The following HSPH1 variants were observed in gnomAD, a reference collection of about 807,000 sequenced individuals.
The protein encoded by HSPH1 is heat shock protein family H (Hsp110) member 1.
HSPH1 carries 40 observed loss-of-function variants against 100.0 expected under a neutral mutation model. The ratio of observed to expected loss-of-function variants is 0.40; its 90% CI spans 0.31 to 0.52. The LOEUF (loss-of-function observed/expected upper bound fraction) is 0.52, where lower values mean the gene tolerates loss of function less well. HSPH1 is among the 20% of genes least tolerant of loss of function. The pLI is 0.54. For synonymous variants in HSPH1, 403 were observed against 344.0 expected (o/e 1.17, Z -1.90); for missense variants, 876 against 1,015.1 (o/e 0.86, Z 1.86).
chr13:31,159,727 T>G (rs1956828258), intron 1 of HSPH1, among the ~76,000 whole-genome samples: 1 of 152,168 alleles, frequency 6.6e-6, no homozygotes, highest in Admixed American at 6.5e-5. Flanking sequence ...GTAAACGAGA[T>G]GAGCAAAACG....
At chr13:31,143,662 A>G in intron 12 of HSPH1, 130 bp downstream of exon 12, 1 of 832,488 alleles carries the variant, frequency 1.2e-6, no homozygotes. Flanking sequence ...TACATAGAAA[A>G]TCAACAGAAA....
intron 11 of HSPH1, among the ~76,000 whole-genome samples, chr13:31,144,676 T>C (rs187090731): frequency 1.7e-4 from 26 of 152,196 alleles, no homozygotes; most frequent in Non-Finnish European, 1.8e-4. Flanking sequence ...CACACTGAAC[T>C]CTCTCATATT....
chr13:31,161,947 A>C (rs1263951953), upstream of HSPH1: 2 of 1,535,826 alleles, frequency 1.3e-6, no homozygotes, highest in Admixed American at 3.9e-5. Context: ...TATCGCACTG[A>C]TCAGAACTTT....
At chr13:31,147,196 A>G (rs942209395) in intron 10 of HSPH1, among the ~76,000 whole-genome samples, 11 of 152,186 alleles carry the variant, frequency 7.2e-5, no homozygotes, top group African/African-American at 2.7e-4. Flanking sequence ...CAATTTATCA[A>G]AATCTTACAA....
chr13:31,159,354 G>T (rs537664096), intron 1 of HSPH1, among the ~76,000 whole-genome samples: 2 of 152,166 alleles, frequency 1.3e-5, no homozygotes, highest in African/African-American at 2.4e-5. Context: ...TTACACCTCT[G>T]AAGTTTAAAG....
In HSPH1 at chr13:31,136,082, T is replaced by C. The variant is rs918126822; in HGVS notation, c.*1236A>G. 1 of 152,106 alleles carries C rather than the reference T, an allele frequency of 6.6e-6. No individual in the cohort carries two copies. Among genetic ancestry groups the C allele is most frequent in the Non-Finnish European group, 1.5e-5 (1 of 68,024 alleles). 9.4% of individuals were successfully genotyped at this position (152,106 alleles called of 1,614,324 possible). On this transcript the variant is annotated 3_prime_UTR_variant, in exon 18 of 18. Coordinates refer to ENST00000320027, the MANE Select transcript of HSPH1 (RefSeq NM_006644.4). ...TTGTCACCTATCCTAAGTGCATGTG[T>C]CTTCTCCCCTACCTCCAACACTACT...
At chr13:31,145,829 CTGT>C (rs1956247152) in intron 10 of HSPH1, 61 bp from the exon 11 acceptor site, 6 of 1,512,006 alleles carry the variant, frequency 4.0e-6, no homozygotes, top group Non-Finnish European at 5.5e-6. Flanking sequence ...GTCTAAATCT[CTGT>C]AGAGGAGGCC....
In HSPH1 at chr13:31,143,468, A is replaced by AAT. The variant is rs1452943130; in HGVS notation, c.1716+322_1716+323dup. 3.3e-5 allele frequency among the ~76,000 whole-genome samples: 5 copies of AAT among 152,128 alleles called. No individual in the cohort carries two copies. In the South Asian group the frequency reaches 1.0e-3, roughly 31 times the overall value. On this transcript the variant is annotated intron_variant, in intron 12 of 17. Transcript: ENST00000320027. ...GAAAACTAATCATGTAGCCCTGGTA[A>AAT]ATATCAAGTTCTGCCTTTGGTATTA...
intron 13 of HSPH1, chr13:31,140,813 AT>A (rs1215706419): frequency 4.8e-6 from 1 of 207,340 alleles, no homozygotes; most frequent in African/African-American, 2.3e-5. Context: ...TACTAAAAAA[AT>A]ACAATGTATT....
chr13:31,154,588 C>A lies in HSPH1; in HGVS notation c.429+45G>T, dbSNP rs376512156. On this transcript the variant is annotated intron_variant, in intron 4 of 17. Transcript: ENST00000320027. ...TCATACTTAAAAGTAATACAAAGAA[C>A]GCAAAAATGAAATAAAACACACTGC... 1.1e-5 allele frequency: 18 copies of A among 1,609,860 alleles called. No individual in the cohort carries two copies. In the East Asian group the frequency reaches 3.8e-4, roughly 34 times the overall value.
intron 14 of HSPH1, 105 bp downstream of exon 14, chr13:31,140,079 G>T: frequency 8.7e-7 from 1 of 1,149,834 alleles, no homozygotes; most frequent in Non-Finnish European, 1.2e-6. Context: ...TTTCTAAAAA[G>T]TTTAAGTTAC....
rs765872896 is a variant in HSPH1, at chr13:31,151,693, C to T, written c.579G>A (p.Glu193=). The change falls in exon 6 of 18, where the codon GAG becomes GAA. Residue 193 remains glutamate (E), a synonymous_variant. Coordinates refer to ENST00000320027, the MANE Select transcript of HSPH1 (RefSeq NM_006644.4). Reference sequence around the variant, plus strand: ...CAACAAAAACCACTATCCGAGGTTTCTCATCCAGGCTTGGGAGATCCTGCT... The same window carrying T: ...CAACAAAAACCACTATCCGAGGTTTTTCATCCAGGCTTGGGAGATCCTGCT... ...IYKQDLPSLD[E]KPRIVVFVDM... is the part of the protein sequence containing the mutation. The T allele has an allele frequency of 6.6e-5, 106 of 1,612,418 alleles. No homozygotes were observed. Among genetic ancestry groups the T allele is most frequent in the Non-Finnish European group, 8.7e-5 (103 of 1,179,096 alleles).
chr13:31,155,381 A>T, intron 3 of HSPH1, 133 bp downstream of exon 3: 1 of 615,618 alleles, frequency 1.6e-6, no homozygotes, highest in Non-Finnish European at 2.8e-6. Flanking sequence ...ACTATACTTT[A>T]AAAGGAGCTG....
chr13:31,138,809 G>A lies in HSPH1; in HGVS notation c.2180C>T (p.Ala727Val). 1 of 1,610,512 alleles carries A rather than the reference G, an allele frequency of 6.2e-7. No homozygotes were observed. The highest frequency in any genetic ancestry group is 8.5e-7 in the Non-Finnish European group (1 of 1,178,874). ...EELGQRLQHY[A>V]KIAADFRNKD... ...ATTTCTGAAGTCAGCTGCTATCTTG[G>A]CATAATGCTGCAGCCTCTGTCCTAG... is the stretch of plus-strand genomic sequence containing the variant. The change falls in exon 16 of 18, where the codon GCC becomes GTC. Residue 727 changes from alanine (A) to valine (V), a missense_variant. Coordinates refer to ENST00000320027, the MANE Select transcript of HSPH1 (RefSeq NM_006644.4).
At chr13:31,145,890 TG>T in intron 10 of HSPH1, 122 bp from the exon 11 acceptor site, 2 of 786,328 alleles carry the variant, frequency 2.5e-6, no homozygotes, top group Non-Finnish European at 4.1e-6. Flanking sequence ...GAGGCCGTGG[TG>T]GGTCACTTGA....
At position 31,161,486 on chromosome 13, in the gene HSPH1, G is replaced by A. The variant is rs1956909946; in HGVS notation, c.97C>T (p.Arg33Trp). The A allele has an allele frequency of 2.5e-6, 4 of 1,613,898 alleles. No homozygotes were observed. The highest frequency in any genetic ancestry group is 1.3e-5 in the African/African-American group (1 of 74,912). ...IETIANEFSD[R>W]CTPSVISFGS... is the part of the protein sequence containing the mutation. ...CAGACTCCCACTTACGGGGTGCACCGGTCGCTGAACTCATTGGCGATGGTC... is the reference window on the plus strand; with the variant it reads ...CAGACTCCCACTTACGGGGTGCACCAGTCGCTGAACTCATTGGCGATGGTC... Residue 33 changes from arginine (R) to tryptophan (W), a missense_variant, in exon 1 of 18, where the codon CGG (arginine) becomes TGG (tryptophan). Arg to Trp is a moderately radical substitution (Grantham distance 101). Coordinates refer to ENST00000320027, the MANE Select transcript of HSPH1 (RefSeq NM_006644.4).
rs772526270 is a variant in HSPH1 at position 31,154,522 on chromosome 13, G to A, written c.429+111C>T. ...GAACACATGTTAATACAGTCCAGTAGAACACGGTCTCTAGTAACTAAAGAA... is the reference window on the plus strand; with the variant it reads ...GAACACATGTTAATACAGTCCAGTAAAACACGGTCTCTAGTAACTAAAGAA... On this transcript the variant is annotated intron_variant, in intron 4 of 17. Coordinates refer to ENST00000320027, the MANE Select transcript of HSPH1 (RefSeq NM_006644.4). 7 of 1,235,528 alleles carry A rather than the reference G, an allele frequency of 5.7e-6. No individual in the cohort carries two copies. In the South Asian group the frequency reaches 8.5e-5, roughly 15 times the overall value. The allele number at this position is 1,235,528 out of a possible 1,614,324, so 76.5% of individuals were successfully genotyped here.
At chr13:31,143,957 AAGC>A in intron 11 of HSPH1, 34 bp from the exon 12 acceptor site, 1 of 1,547,262 alleles carries the variant, frequency 6.5e-7, no homozygotes, top group Non-Finnish European at 8.7e-7. Context: ...AGGATGTAGA[AAGC>A]AGGTGTACTT....
In HSPH1 at chr13:31,159,866, C is replaced by A. The variant is rs115570813; in HGVS notation, c.108-1003G>T. Among the ~76,000 whole-genome samples the A allele has an allele frequency of 9.0e-3, 1,372 of 152,178 alleles. 22 individuals are homozygous for A. The highest frequency in any genetic ancestry group is 0.031 in the African/African-American group (1,304 of 41,498). On this transcript the variant is annotated intron_variant, in intron 1 of 17. Transcript: ENST00000320027. ...CCTAAAAGCCAGAGAAGTGTCCAAGCAGAAGCTAGACAAGAAACCGTCAAA... is the reference window on the plus strand; with the variant it reads ...CCTAAAAGCCAGAGAAGTGTCCAAGAAGAAGCTAGACAAGAAACCGTCAAA...
Sources: gnomAD v4.1 joint callset for allele counts (sites outside exome capture counted in the v4.1 genomes callset) on GRCh38, gnomAD v4.1.1 for gene constraint, MANE v1.5 for transcripts, NCBI Gene and HGNC (gene_info 2026-07-23, HGNC 2026-07-21) for gene names.